The following NR3C1 variants were observed in gnomAD, a reference collection of about 807,000 sequenced individuals.
The protein encoded by NR3C1 is glucocorticoid receptor.
In NR3C1, 14 loss-of-function variants were observed where a neutral mutation model predicts 74.0. The ratio of observed to expected loss-of-function variants is 0.19; its 90% confidence interval spans 0.12 to 0.30. The LOEUF is 0.30. Among genes scored for constraint, NR3C1 ranks in the 10% least tolerant of loss-of-function variants. The pLI is 1.00. For missense variants in NR3C1, 695 were observed against 909.8 expected (o/e 0.76, Z 3.04); for synonymous variants, 308 against 332.5 (o/e 0.93, Z 0.80).
chr5:143,421,592 G>T (rs922748054), intron 1 of NR3C1, among the ~76,000 whole-genome samples: 1 of 151,870 alleles, frequency 6.6e-6, no homozygotes, highest in Non-Finnish European at 1.5e-5. Context: ...AGGCTGAGGT[G>T]GGCACATCAC....
In NR3C1 at chr5:143,280,514, A is replaced by G. The variant is rs1458688563; in HGVS notation, c.*1375T>C. 6.6e-6 allele frequency: 1 copy of G among 152,628 alleles called. No homozygotes were observed. Among genetic ancestry groups the G allele is most frequent in the Non-Finnish European group, 1.5e-5 (1 of 68,036 alleles). The allele number at this position is 152,628 out of a possible 1,614,324, so 9.5% of individuals were successfully genotyped here. A position where few individuals can be genotyped will look rare whatever the true frequency, so the allele number is the denominator to read the frequency against. On this transcript the variant is annotated 3_prime_UTR_variant, in exon 9 of 9. Coordinates refer to ENST00000394464, the MANE Select transcript of NR3C1 (RefSeq NM_000176.3). The stretch of plus-strand genomic sequence containing the variant: ...TTTACAGAAAGTTGGTAAGGTGCAC[A>G]CAGAAAGGGCTACTACAGCTTCTAT...
At chr5:143,427,160 A>G (rs1186741259) in intron 1 of NR3C1, among the ~76,000 whole-genome samples, 1 of 152,128 alleles carries the variant, frequency 6.6e-6, no homozygotes, top group Non-Finnish European at 1.5e-5. Context: ...AAGAAATAGC[A>G]TTTTCATTAT....
At chr5:143,318,364 A>G (rs116798177) in intron 2 of NR3C1, among the ~76,000 whole-genome samples, 4,933 of 152,220 alleles carry the variant, frequency 0.032, 108 homozygotes, top group Non-Finnish European at 0.048. Flanking sequence ...TGAACTTTTG[A>G]TTGTTACATT....
chr5:143,320,147 G>C (rs1193944981), intron 2 of NR3C1, among the ~76,000 whole-genome samples: 1 of 152,224 alleles, frequency 6.6e-6, no homozygotes, highest in Non-Finnish European at 1.5e-5. Context: ...CTCTGCATTA[G>C]CTAAAGAATT....
At chr5:143,289,695 G>A (rs1175524300) in intron 7 of NR3C1, among the ~76,000 whole-genome samples, 1 of 152,076 alleles carries the variant, frequency 6.6e-6, no homozygotes, top group African/African-American at 2.4e-5. Flanking sequence ...TAAAAAATGG[G>A]CAAAAGATTA....
chr5:143,310,940 G>A (rs2151606175), intron 3 of NR3C1, among the ~76,000 whole-genome samples: 1 of 152,362 alleles, frequency 6.6e-6, no homozygotes, highest in South Asian at 2.1e-4. Flanking sequence ...ACAGGCATGA[G>A]CCACCACGCC....
intron 2 of NR3C1, among the ~76,000 whole-genome samples, chr5:143,391,588 A>G (rs139622104): frequency 6.2e-4 from 94 of 152,294 alleles, no homozygotes; most frequent in South Asian, 4.4e-3. Flanking sequence ...AAATATAACA[A>G]TGTGGTTGGA....
intron 2 of NR3C1, among the ~76,000 whole-genome samples, chr5:143,384,810 G>C (rs1836876611): frequency 6.6e-6 from 1 of 152,164 alleles, no homozygotes; most frequent in African/African-American, 2.4e-5. Context: ...GCTGTCAGTG[G>C]ATCTACCACT....
intron 2 of NR3C1, among the ~76,000 whole-genome samples, chr5:143,331,835 T>C (rs562526846): frequency 6.6e-6 from 1 of 152,316 alleles, no homozygotes; most frequent in East Asian, 1.9e-4. Flanking sequence ...GTACTGTGTT[T>C]ATTTCCTGGG....
At chr5:143,316,446 GTATTTA>G (rs1822094720) in intron 2 of NR3C1, among the ~76,000 whole-genome samples, 1 of 152,162 alleles carries the variant, frequency 6.6e-6, no homozygotes, top group South Asian at 2.1e-4. Context: ...TATATAGTAT[GTATTTA>G]TATTTTAAAT....
intron 2 of NR3C1, among the ~76,000 whole-genome samples, chr5:143,317,583 C>T (rs955016705): frequency 2.0e-5 from 3 of 151,966 alleles, no homozygotes; most frequent in South Asian, 2.1e-4. Context: ...TAGTAGAAAC[C>T]GAATAATTCC....
At chr5:143,403,899 T>A (rs1372414303), upstream of NR3C1, 11 of 980,284 alleles carry the variant, frequency 1.1e-5, no homozygotes, top group African/African-American at 1.2e-4. Flanking sequence ...TCCCCTGGCG[T>A]GGCCGCCCCG....
chr5:143,356,611 C>A (rs945771053), intron 2 of NR3C1, among the ~76,000 whole-genome samples: 1 of 151,576 alleles, frequency 6.6e-6, no homozygotes, highest in African/African-American at 2.4e-5. Context: ...GTTTTGGTTC[C>A]TGCAATCTTT....
intron 2 of NR3C1, among the ~76,000 whole-genome samples, chr5:143,343,021 TACTAAATAAC>T (rs1229165735): frequency 6.6e-6 from 1 of 152,090 alleles, no homozygotes; most frequent in Non-Finnish European, 1.5e-5. Flanking sequence ...CAAAAAAATA[TACTAAATAAC>T]ACTAGAAAAC....
intron 1 of NR3C1, among the ~76,000 whole-genome samples, chr5:143,418,818 G>A (rs557583972): frequency 6.6e-6 from 1 of 152,294 alleles, no homozygotes; most frequent in Admixed American, 6.5e-5. Flanking sequence ...GACGAGGGCA[G>A]AACTAGAAAG....
At chr5:143,288,710 C>T (rs1008021908) in intron 7 of NR3C1, among the ~76,000 whole-genome samples, 10 of 151,972 alleles carry the variant, frequency 6.6e-5, no homozygotes, top group African/African-American at 1.9e-4. Context: ...TGGGCTTAAG[C>T]GATCTGCCTG....
Position 143,281,846 on chromosome 5 carries a change from A to C in NR3C1, c.*43T>G, listed in dbSNP as rs1329878655. 1 of 1,576,138 alleles carries C rather than the reference A, an allele frequency of 6.3e-7. No individual in the cohort carries two copies. Among genetic ancestry groups the C allele is most frequent in the Non-Finnish European group, 8.7e-7 (1 of 1,146,840 alleles). On this transcript the variant is annotated 3_prime_UTR_variant, in exon 9 of 9. Transcript: ENST00000394464. ...ACTGATAGTTTATACAATAAAAGCT[A>C]TTAATTCGACTTTCTTTAAGGCAAC... is the stretch of plus-strand genomic sequence containing the variant.
intron 4 of NR3C1, among the ~76,000 whole-genome samples, chr5:143,303,118 A>G (rs1490186224): frequency 6.6e-6 from 1 of 152,066 alleles, no homozygotes; most frequent in African/African-American, 2.4e-5. Context: ...GAGATTCCAC[A>G]GAAGTGAAAA....
intron 4 of NR3C1, among the ~76,000 whole-genome samples, chr5:143,306,277 G>T (rs1819572551): frequency 6.6e-6 from 1 of 152,134 alleles, no homozygotes; most frequent in African/African-American, 2.4e-5. Flanking sequence ...AGAGACTTGG[G>T]CAAAGTTATT....
Sources: allele counts gnomAD v4.1 joint callset (sites outside exome capture counted in the v4.1 genomes callset), GRCh38; gene constraint gnomAD v4.1.1; transcripts MANE v1.5; gene names NCBI Gene and HGNC (gene_info 2026-07-23, HGNC 2026-07-21).